The following IFRD1 variants were observed in gnomAD, a reference collection of about 807,000 sequenced individuals.
IFRD1 encodes the protein interferon-related developmental regulator 1.
IFRD1 carries 35 observed loss-of-function variants against 52.9 expected under a neutral mutation model. The observed-to-expected ratio is 0.66, with a 90% CI of 0.51 to 0.88. The LOEUF (loss-of-function observed/expected upper bound fraction) is 0.88, where lower values mean the gene tolerates loss of function less well. IFRD1 is among the 40% of genes least tolerant of loss of function. IFRD1 has a pLI of 0.00. For synonymous variants in IFRD1, 184 were observed against 188.4 expected (o/e 0.98, Z 0.19); for missense variants, 517 against 550.8 (o/e 0.94, Z 0.61).
intron 1 of IFRD1, among the ~76,000 whole-genome samples, chr7:112,428,915 C>G (rs1446572763): frequency 6.6e-6 from 1 of 152,188 alleles, no homozygotes; most frequent in Admixed American, 6.5e-5. Flanking sequence ...ATCCTCTTCT[C>G]AAAAGCTATT....
At chr7:112,473,399 A>G (rs1049695880) in intron 11 of IFRD1, among the ~76,000 whole-genome samples, 1 of 151,942 alleles carries the variant, frequency 6.6e-6, no homozygotes, top group Non-Finnish European at 1.5e-5. Flanking sequence ...AGAGTTAAAT[A>G]GTAATTAATA....
At chr7:112,446,175 C>T (rs372033525), upstream of IFRD1, 6 of 169,284 alleles carry the variant, frequency 3.5e-5, no homozygotes, top group East Asian at 6.8e-4. Flanking sequence ...TAATTGTCTT[C>T]TGGTTTGCTG....
In IFRD1 at chr7:112,458,850, T is replaced by C; in HGVS notation, c.410-11T>C. On this transcript the variant is annotated splice_polypyrimidine_tract_variant and intron_variant, in intron 4 of 11. Coordinates refer to ENST00000403825, the MANE Select transcript of IFRD1 (RefSeq NM_001550.4). Reference sequence around the variant, plus strand: ...AAGACTATCGTGATTGCATCTTGGCTGCTTTTATAGGTAAGAGTGATGAGC... The same window carrying C: ...AAGACTATCGTGATTGCATCTTGGCCGCTTTTATAGGTAAGAGTGATGAGC... The C allele has an allele frequency of 6.2e-7, 1 of 1,613,502 alleles. No homozygotes were observed. The highest frequency in any genetic ancestry group is 8.5e-7 in the Non-Finnish European group (1 of 1,179,440).
chr7:112,461,079 C>G (rs1416343618), intron 5 of IFRD1, among the ~76,000 whole-genome samples: 3 of 152,098 alleles, frequency 2.0e-5, no homozygotes, highest in African/African-American at 2.4e-5. Flanking sequence ...TTGTTTAGCC[C>G]TTCCCCTCCC....
chr7:112,446,969 A>G (rs567853203), upstream of IFRD1, among the ~76,000 whole-genome samples: 1 of 152,292 alleles, frequency 6.6e-6, no homozygotes, highest in Non-Finnish European at 1.5e-5. Flanking sequence ...ACAGGCAAGA[A>G]ACAGATTCCG....
chr7:112,439,683 T>A (rs1794821176), intron 1 of IFRD1, among the ~76,000 whole-genome samples: 1 of 152,224 alleles, frequency 6.6e-6, no homozygotes, highest in Admixed American at 6.5e-5. Flanking sequence ...TTCATTTGTA[T>A]TTCTCTTGGG....
At chr7:112,434,692 T>A (rs1794629936) in intron 1 of IFRD1, among the ~76,000 whole-genome samples, 1 of 152,208 alleles carries the variant, frequency 6.6e-6, no homozygotes, top group East Asian at 1.9e-4. Flanking sequence ...ATTAAATAAC[T>A]TTAACTTTCA....
chr7:112,455,677 C>T, intron 1 of IFRD1, 86 bp from the exon 2 acceptor site: 1 of 867,932 alleles, frequency 1.2e-6, no homozygotes, highest in South Asian at 1.4e-5. Context: ...CTGGATTTCT[C>T]TTTAAGTAAA....
chr7:112,466,573 C>T (rs1290971927), intron 8 of IFRD1, among the ~76,000 whole-genome samples: 1 of 152,122 alleles, frequency 6.6e-6, no homozygotes, highest in Non-Finnish European at 1.5e-5. Context: ...AAAAATGTCT[C>T]AGACATAGTC....
In IFRD1 at chr7:112,466,777, G is replaced by A. The variant is rs1481855524; in HGVS notation, c.907-1204G>A. 3.3e-5 allele frequency among the ~76,000 whole-genome samples: 5 copies of A among 152,172 alleles called. No individual in the cohort carries two copies. In the East Asian group the frequency reaches 5.8e-4, roughly 18 times the overall value. On this transcript the variant is annotated intron_variant, in intron 8 of 11. Coordinates refer to ENST00000403825, the MANE Select transcript of IFRD1 (RefSeq NM_001550.4). ...TTAAAATACTGTAAAAGAACAAGTAGCCAATAAAATGAGTAGGAGACTGCT... is the reference window on the plus strand; with the variant it reads ...TTAAAATACTGTAAAAGAACAAGTAACCAATAAAATGAGTAGGAGACTGCT...
At chr7:112,450,459 C>T (rs1042007476), upstream of IFRD1, 33 of 576,978 alleles carry the variant, frequency 5.7e-5, 1 homozygote, top group Non-Finnish European at 9.4e-5. Flanking sequence ...TCCCCTGCCC[C>T]GCCTTAGCTC....
intron 1 of IFRD1, among the ~76,000 whole-genome samples, chr7:112,425,789 T>A (rs1387982228): frequency 6.6e-6 from 1 of 152,182 alleles, no homozygotes; most frequent in African/African-American, 2.4e-5. Context: ...GGGGCACTAC[T>A]CCTTCAAGAA....
chr7:112,425,572 C>T (rs534823607), intron 1 of IFRD1, among the ~76,000 whole-genome samples: 1 of 152,294 alleles, frequency 6.6e-6, no homozygotes, highest in East Asian at 1.9e-4. Context: ...TGACCTTGGA[C>T]TAAGGGTTGC....
At position 112,424,637 on chromosome 7, in the gene IFRD1, A is replaced by G. The variant is rs886803458; in HGVS notation, c.-182+1205A>G. On this transcript the variant is annotated intron_variant, in intron 1 of 12. Coordinates refer to the IFRD1 transcript ENST00000005558. ...ACCATGTTGGCCAGGCTGGTCTCGA[A>G]CTCCTGACCTCAGGTGATCCACCCG... is the stretch of plus-strand genomic sequence containing the variant. Among the ~76,000 whole-genome samples, 5 of 151,024 alleles carry G rather than the reference A, an allele frequency of 3.3e-5. 1 individual carries two copies. Among genetic ancestry groups the G allele is most frequent in the African/African-American group, 1.2e-4 (5 of 41,062 alleles).
chr7:112,472,095 A>G (rs1198771909), intron 9 of IFRD1, 124 bp from the exon 10 acceptor site: 1 of 954,938 alleles, frequency 1.0e-6, no homozygotes, highest in African/African-American at 1.6e-5. Flanking sequence ...GTATGGCAGT[A>G]TCAGTTTAAG....
At chr7:112,460,773 G>GA (rs11378795) in intron 5 of IFRD1, among the ~76,000 whole-genome samples, 112,026 of 151,910 alleles carry the variant, frequency 0.74, 41,527 homozygotes, top group East Asian at 0.8. Context: ...TACTGGAACA[G>GA]ACTGGCTAAA....
intron 9 of IFRD1, among the ~76,000 whole-genome samples, chr7:112,468,554 C>T (rs1187001038): frequency 6.6e-6 from 1 of 152,208 alleles, no homozygotes; most frequent in Non-Finnish European, 1.5e-5. Flanking sequence ...GACTGGAGTG[C>T]AGTGGCACGA....
At position 112,430,272 on chromosome 7, in the gene IFRD1, T is replaced by C. The variant is rs78909225; in HGVS notation, c.-182+6840T>C. ...TGTTTTCTATATCATAATTCCCTTCTGTTATCCCAAGCCTCCTGATTGTTG... is the reference window on the plus strand; with the variant it reads ...TGTTTTCTATATCATAATTCCCTTCCGTTATCCCAAGCCTCCTGATTGTTG... On this transcript the variant is annotated intron_variant, in intron 1 of 12. Coordinates refer to the IFRD1 transcript ENST00000005558. Among the ~76,000 whole-genome samples the C allele has an allele frequency of 3.4e-3, 518 of 152,276 alleles. 1 individual carries two copies. Among genetic ancestry groups the C allele is most frequent in the Non-Finnish European group, 5.5e-3 (372 of 68,028 alleles).
At chr7:112,431,212 T>C (rs1405508739) in intron 1 of IFRD1, among the ~76,000 whole-genome samples, 1 of 152,250 alleles carries the variant, frequency 6.6e-6, no homozygotes, top group East Asian at 1.9e-4. Flanking sequence ...CTTGCTCTTT[T>C]GGCTAGAAAT....
Sources: allele counts gnomAD v4.1 joint callset (sites outside exome capture counted in the v4.1 genomes callset), GRCh38; gene constraint gnomAD v4.1.1; transcripts MANE v1.5; gene names NCBI Gene and HGNC (gene_info 2026-07-23, HGNC 2026-07-21).